The following PLXNC1 variants were observed in gnomAD, a reference collection of about 807,000 sequenced individuals.
PLXNC1 encodes the protein plexin-C1.
A neutral mutation model predicts 178.2 loss-of-function variants in PLXNC1; 75 were observed. The ratio of observed to expected loss-of-function variants is 0.42; its 90% CI spans 0.35 to 0.51. The LOEUF (loss-of-function observed/expected upper bound fraction) is 0.51. PLXNC1 is among the 20% of genes least tolerant of loss of function. The probability of loss-of-function intolerance (pLI) is 0.02; values close to 1 mark genes in which losing one functional copy is unlikely to be tolerated. For missense variants in PLXNC1, 1,503 were observed against 1,984.4 expected (o/e 0.76, Z 4.61); for synonymous variants, 790 against 779.9 (o/e 1.01, Z -0.22).
intron 1 of PLXNC1, among the ~76,000 whole-genome samples, chr12:94,159,083 G>A (rs941834388): frequency 2.0e-5 from 3 of 152,188 alleles, no homozygotes; most frequent in Non-Finnish European, 4.4e-5. Context: ...TCATTTGTTC[G>A]AATACTTTCT....
At chr12:94,279,982 C>T (rs905109752) in intron 22 of PLXNC1, 3 of 426,374 alleles carry the variant, frequency 7.0e-6, no homozygotes, top group African/African-American at 4.0e-5. Context: ...GGTGTCAACA[C>T]AGTGCCCTCT....
intron 2 of PLXNC1, among the ~76,000 whole-genome samples, chr12:94,178,947 T>A (rs1307679316): frequency 6.6e-6 from 1 of 152,172 alleles, no homozygotes; most frequent in Non-Finnish European, 1.5e-5. Flanking sequence ...TTAGTGAGAT[T>A]GACTTTTACA....
chr12:94,194,439 A>G (rs1246989438), intron 4 of PLXNC1, among the ~76,000 whole-genome samples: 2 of 152,210 alleles, frequency 1.3e-5, no homozygotes, highest in East Asian at 3.9e-4. Flanking sequence ...ATAAAGTGGC[A>G]TTTATAATTG....
chr12:94,149,085 C>A lies in PLXNC1; in HGVS notation c.114C>A (p.Pro38=). The change falls in exon 1 of 31, where the codon CCC becomes CCA. Residue 38 remains proline, a synonymous_variant. Transcript: ENST00000258526. ...LAAPGRGADE[P]VWRSEQAIGA... is the part of the protein sequence containing the mutation. ...CTCCCGGCCGGGGCGCGGACGAGCC[C>A]GTGTGGCGGTCGGAGCAAGCCATCG... 6.4e-7 allele frequency: 1 copy of A among 1,574,340 alleles called. No homozygotes were observed. The highest frequency in any genetic ancestry group is 8.6e-7 in the Non-Finnish European group (1 of 1,167,210).
chr12:94,209,561 G>T, intron 4 of PLXNC1, 29 bp from the exon 5 acceptor site: 1 of 1,310,902 alleles, frequency 7.6e-7, no homozygotes, highest in Non-Finnish European at 1.1e-6. Flanking sequence ...CACGTATGGG[G>T]TCGCTGTTTT....
At chr12:94,156,436 C>A (rs1225680628) in intron 1 of PLXNC1, among the ~76,000 whole-genome samples, 2 of 151,880 alleles carry the variant, frequency 1.3e-5, no homozygotes, top group Non-Finnish European at 2.9e-5. Flanking sequence ...CTCCCTCCCA[C>A]CTGAGTATGC....
chr12:94,223,076 C>T (rs1308798813), intron 6 of PLXNC1, among the ~76,000 whole-genome samples: 1 of 152,136 alleles, frequency 6.6e-6, no homozygotes, highest in East Asian at 1.9e-4. Context: ...GGGTTGCCAA[C>T]GGAGTCAAGC....
At position 94,305,580 on chromosome 12, in the gene PLXNC1, A is replaced by G. The variant is rs982968762; in HGVS notation, c.*295A>G. The G allele has an allele frequency of 2.0e-5, 6 of 307,350 alleles. No individual in the cohort carries two copies. Among genetic ancestry groups the G allele is most frequent in the Non-Finnish European group, 3.6e-5 (6 of 164,994 alleles). The allele number at this position is 307,350 out of a possible 1,614,324, so 19.0% of individuals were successfully genotyped here. ...AAGCGAATGTCAGTATTGTAACTAC[A>G]GTCTCCACTTAAGCACAATGATATA... On this transcript the variant is annotated 3_prime_UTR_variant, in exon 31 of 31. Coordinates refer to ENST00000258526, the MANE Select transcript of PLXNC1 (RefSeq NM_005761.3).
At chr12:94,173,354 G>A (rs1348209817) in intron 2 of PLXNC1, among the ~76,000 whole-genome samples, 1 of 152,192 alleles carries the variant, frequency 6.6e-6, no homozygotes, top group Non-Finnish European at 1.5e-5. Flanking sequence ...TTTCCAGGTG[G>A]TAAAGTAAGT....
intron 17 of PLXNC1, among the ~76,000 whole-genome samples, chr12:94,259,047 T>C (rs1964927791): frequency 6.6e-6 from 1 of 152,256 alleles, no homozygotes; most frequent in East Asian, 1.9e-4. Context: ...TCTTTAACTC[T>C]TAAATCACTT....
intron 1 of PLXNC1, among the ~76,000 whole-genome samples, chr12:94,165,678 C>A (rs999705500): frequency 2.6e-5 from 4 of 152,094 alleles, no homozygotes; most frequent in Non-Finnish European, 5.9e-5. Context: ...GTGGCTTAAA[C>A]CATGACAACT....
intron 22 of PLXNC1, 54 bp downstream of exon 22, chr12:94,279,703 G>A: frequency 1.3e-6 from 2 of 1,490,706 alleles, no homozygotes; most frequent in East Asian, 2.3e-5. Context: ...GTCCCTCCCT[G>A]CCTGCCCTCC....
chr12:94,242,239 T>G lies in PLXNC1; in HGVS notation c.2300+1575T>G, dbSNP rs570595869. The stretch of plus-strand genomic sequence containing the variant: ...AGGCCCTTACACCTTGGCTTGTAGA[T>G]GGTCATCTTCTCTCTATGTCTTCAC... On this transcript the variant is annotated intron_variant, in intron 11 of 30. Coordinates refer to ENST00000258526, the MANE Select transcript of PLXNC1 (RefSeq NM_005761.3). Among the ~76,000 whole-genome samples, 3 of 151,874 alleles carry G rather than the reference T, an allele frequency of 2.0e-5. No individual in the cohort carries two copies. In the South Asian group the frequency reaches 6.2e-4, roughly 32 times the overall value.
intron 22 of PLXNC1, 54 bp downstream of exon 22, chr12:94,279,703 GCCTGCCCTCCCTC>G: frequency 5.4e-6 from 8 of 1,490,710 alleles, no homozygotes; most frequent in Non-Finnish European, 7.5e-6. Context: ...GTCCCTCCCT[GCCTGCCCTCCCTC>G]CCTGTCCCCC....
At chr12:94,157,340 TTGA>T (rs977026339) in intron 1 of PLXNC1, among the ~76,000 whole-genome samples, 4 of 152,284 alleles carry the variant, frequency 2.6e-5, no homozygotes, top group African/African-American at 9.6e-5. Flanking sequence ...TTAAAGTTTT[TTGA>T]TGACCACTCC....
rs374934549 is a variant in PLXNC1 at position 94,247,090 on chromosome 12, T to G, written c.2389-813T>G. ...TTTTAAATTTTATTTTTTATATATA[T>G]AGAGAGAGACAGGGTCTCACTGTGT... On this transcript the variant is annotated intron_variant, in intron 12 of 30. Coordinates refer to ENST00000258526, the MANE Select transcript of PLXNC1 (RefSeq NM_005761.3). Among the ~76,000 whole-genome samples the G allele has an allele frequency of 4.3e-4, 66 of 152,098 alleles. 1 individual carries two copies. Among genetic ancestry groups the G allele is most frequent in the African/African-American group, 1.2e-3 (50 of 41,416 alleles).
intron 11 of PLXNC1, among the ~76,000 whole-genome samples, chr12:94,242,418 C>T (rs150687464): frequency 0.016 from 2,416 of 150,656 alleles, 79 homozygotes; most frequent in African/African-American, 0.056. Flanking sequence ...AAGTGATTCT[C>T]CTGCCTCAGC....
intron 4 of PLXNC1, among the ~76,000 whole-genome samples, chr12:94,202,086 A>G (rs750941558): frequency 4.6e-5 from 7 of 152,040 alleles, no homozygotes; most frequent in Non-Finnish European, 1.0e-4. Flanking sequence ...ACCCGACTAC[A>G]TGGTTCTCAC....
At position 94,228,247 on chromosome 12, in the gene PLXNC1, G is replaced by A. The variant is rs184407130; in HGVS notation, c.1980+1012G>A. Among the ~76,000 whole-genome samples the A allele has an allele frequency of 1.5e-3, 231 of 152,314 alleles. 1 individual carries two copies. Among genetic ancestry groups the A allele is most frequent in the African/African-American group, 5.5e-3 (228 of 41,572 alleles). On this transcript the variant is annotated intron_variant, in intron 9 of 30. Coordinates refer to ENST00000258526, the MANE Select transcript of PLXNC1 (RefSeq NM_005761.3). ...GCTCAGGTATCTCCAGACTTTAGCA[G>A]TCTCTGAGGTCTTGTTAAGTAATGG...
Sources: allele counts gnomAD v4.1 joint callset (sites outside exome capture counted in the v4.1 genomes callset), GRCh38; gene constraint gnomAD v4.1.1; transcripts MANE v1.5; gene names NCBI Gene and HGNC (gene_info 2026-07-23, HGNC 2026-07-21).